ADAMTS17: variants seen among roughly 807,000 people sequenced by gnomAD.
ADAMTS17 encodes ADAM metallopeptidase with thrombospondin type 1 motif 17, also known as A disintegrin and metalloproteinase with thrombospondin motifs 17.
Under a neutral mutation model 141.5 loss-of-function variants are expected in ADAMTS17, and 113 were observed. The observed-to-expected ratio is 0.80, with a 90% confidence interval of 0.69 to 0.93. The LOEUF is 0.93. Ranked by LOEUF, ADAMTS17 falls within the 40% of genes least tolerant of loss-of-function variation. The probability of loss-of-function intolerance (pLI) is 0.00; values close to 1 mark genes in which losing one functional copy is unlikely to be tolerated. For synonymous variants in ADAMTS17, 768 were observed against 630.6 expected, an observed-to-expected ratio of 1.22 and a Z score of -3.27; for missense variants, 1,659 against 1,517.9, an observed-to-expected ratio of 1.09 and a Z score of -1.54.
intron 2 of ADAMTS17, among the ~76,000 whole-genome samples, chr15:100,331,441 C>T (rs927281113): frequency 3.3e-5 from 5 of 152,140 alleles, no homozygotes; most frequent in African/African-American, 1.2e-4. Context: ...ACATTTGTAT[C>T]CCTAATGGAA....
At chr15:100,204,225 T>C (rs1056450263) in intron 7 of ADAMTS17, among the ~76,000 whole-genome samples, 2 of 152,248 alleles carry the variant, frequency 1.3e-5, no homozygotes, top group African/African-American at 2.4e-5. Context: ...TAAACTCTGG[T>C]TGATGCAGTA....
intron 18 of ADAMTS17, among the ~76,000 whole-genome samples, chr15:100,011,041 C>T (rs533966067): frequency 1.7e-3 from 253 of 151,926 alleles, no homozygotes; most frequent in Non-Finnish European, 3.0e-3. Context: ...AGAGAGGCCC[C>T]GCGACGCAGA....
At chr15:100,264,813 G>C (rs915502775) in intron 4 of ADAMTS17, among the ~76,000 whole-genome samples, 7 of 151,946 alleles carry the variant, frequency 4.6e-5, no homozygotes, top group African/African-American at 1.5e-4. Context: ...CAGGGGCTGG[G>C]GGGAGGCAAA....
At chr15:100,323,712 T>A (rs1050527544) in intron 3 of ADAMTS17, among the ~76,000 whole-genome samples, 2 of 151,916 alleles carry the variant, frequency 1.3e-5, no homozygotes, top group Admixed American at 6.6e-5. Context: ...TAGACAAAAC[T>A]CTGCAATAAA....
At chr15:99,989,446 T>C (rs2573599) in intron 20 of ADAMTS17, among the ~76,000 whole-genome samples, 6,622 of 152,314 alleles carry the variant, frequency 0.043, 428 homozygotes, top group African/African-American at 0.13. Context: ...ATGACAGCTT[T>C]ATTCCAGTTC....
chr15:100,323,157 AATTC>A (rs2045786866), intron 3 of ADAMTS17, among the ~76,000 whole-genome samples: 1 of 142,762 alleles, frequency 7.0e-6, no homozygotes, highest in African/African-American at 3.1e-5. Context: ...AAAAAATAAA[AATTC>A]AATTAATTTA....
chr15:100,108,084 C>G (rs1394829641), intron 14 of ADAMTS17, among the ~76,000 whole-genome samples: 3 of 152,138 alleles, frequency 2.0e-5, no homozygotes, highest in African/African-American at 7.2e-5. Context: ...AGGAGCCCCA[C>G]CTGGGGAGGG....
At chr15:100,198,521 T>A (rs2041205053) in intron 8 of ADAMTS17, among the ~76,000 whole-genome samples, 1 of 152,236 alleles carries the variant, frequency 6.6e-6, no homozygotes, top group African/African-American at 2.4e-5. Context: ...AATATAAACC[T>A]TTCCACTGTT....
intron 15 of ADAMTS17, among the ~76,000 whole-genome samples, chr15:100,075,898 G>C (rs1375022009): frequency 2.0e-5 from 3 of 152,054 alleles, no homozygotes; most frequent in Non-Finnish European, 2.9e-5. Context: ...CTTCCACGTA[G>C]ACCTGGTTTC....
At chr15:100,109,483 A>G (rs1022639386) in intron 13 of ADAMTS17, among the ~76,000 whole-genome samples, 1 of 109,156 alleles carries the variant, frequency 9.2e-6, no homozygotes, top group Non-Finnish European at 2.1e-5. Context: ...CGAGGGTGTG[A>G]AGGGAGGGGG....
intron 4 of ADAMTS17, among the ~76,000 whole-genome samples, chr15:100,262,782 T>TAA (rs201067774): frequency 1.2e-4 from 13 of 111,228 alleles, no homozygotes; most frequent in East Asian, 2.4e-4. Flanking sequence ...CTTCCAGTAC[T>TAA]AAAAAAAAAA....
intron 7 of ADAMTS17, among the ~76,000 whole-genome samples, chr15:100,202,419 G>C (rs1251789334): frequency 6.6e-6 from 1 of 152,124 alleles, no homozygotes; most frequent in Non-Finnish European, 1.5e-5. Flanking sequence ...TGACCAGCCT[G>C]GTCATAAAAC....
chr15:100,274,960 C>A (rs1283675078), intron 4 of ADAMTS17, among the ~76,000 whole-genome samples: 9 of 152,144 alleles, frequency 5.9e-5, no homozygotes, highest in Middle Eastern at 3.2e-3. Context: ...ACCAGCTTAA[C>A]TTCAGTGGCA....
chr15:100,156,413 G>A (rs1034090069), intron 8 of ADAMTS17, among the ~76,000 whole-genome samples: 1 of 152,242 alleles, frequency 6.6e-6, no homozygotes, highest in South Asian at 2.1e-4. Context: ...ACGTGGAGTT[G>A]GATCAGCTAA....
At chr15:99,979,416 C>T (rs1403735953) in intron 20 of ADAMTS17, 1 of 150,514 alleles carries the variant, frequency 6.6e-6, no homozygotes, top group Non-Finnish European at 1.5e-5. Flanking sequence ...CTTACAAAAG[C>T]AATCTGGTAA....
At chr15:100,047,143 T>A (rs771095951) in intron 18 of ADAMTS17, among the ~76,000 whole-genome samples, 1 of 151,810 alleles carries the variant, frequency 6.6e-6, no homozygotes, top group East Asian at 1.9e-4. Context: ...CAGTCTCCCA[T>A]AGCGCTCCCA....
chr15:100,203,734 C>CA (rs1267236285), intron 7 of ADAMTS17, among the ~76,000 whole-genome samples: 1 of 151,722 alleles, frequency 6.6e-6, no homozygotes, highest in Non-Finnish European at 1.5e-5. Context: ...AAAAACAAAA[C>CA]AAAAAAACAC....
chr15:100,233,889 G>T (rs2042570649), intron 7 of ADAMTS17, among the ~76,000 whole-genome samples: 1 of 152,090 alleles, frequency 6.6e-6, no homozygotes, highest in African/African-American at 2.4e-5. Flanking sequence ...AGGAAGAGAG[G>T]TTGGCAGGAG....
intron 18 of ADAMTS17, among the ~76,000 whole-genome samples, chr15:100,022,403 C>T (rs1187735134): frequency 6.6e-6 from 1 of 152,202 alleles, no homozygotes; most frequent in Non-Finnish European, 1.5e-5. Flanking sequence ...ATTAATGTTG[C>T]TGGCCAATAA....
Sources: allele counts gnomAD v4.1 joint callset (sites outside exome capture counted in the v4.1 genomes callset), GRCh38; gene constraint gnomAD v4.1.1; transcripts MANE v1.5; gene names NCBI Gene and HGNC (gene_info 2026-07-23, HGNC 2026-07-21).